STK32B: variants seen among roughly 807,000 people sequenced by gnomAD.
STK32B encodes serine/threonine-protein kinase 32B.
Under a neutral mutation model 52.6 loss-of-function variants are expected in STK32B, and 43 were observed. That is an observed-to-expected ratio of 0.82 (90% CI 0.64 to 1.05). The LOEUF is 1.05. Among genes scored for constraint, STK32B ranks in the 50% least tolerant of loss-of-function variants. STK32B has a pLI of 0.00. For synonymous variants in STK32B, 238 were observed against 204.3 expected, an observed-to-expected ratio of 1.17 and a Z score of -1.41; for missense variants, 621 against 534.6, an observed-to-expected ratio of 1.16 and a Z score of -1.59.
chr4:5,301,670 T>G (rs1449141962), intron 3 of STK32B, among the ~76,000 whole-genome samples: 1 of 150,768 alleles, frequency 6.6e-6, no homozygotes, highest in Non-Finnish European at 1.5e-5. Flanking sequence ...CTTTCTTTTT[T>G]TTTTTTTTGG....
intron 1 of STK32B, among the ~76,000 whole-genome samples, chr4:5,116,132 G>A (rs1714700965): frequency 6.6e-6 from 1 of 151,962 alleles, no homozygotes; most frequent in South Asian, 2.1e-4. Context: ...ATTAAACACT[G>A]CTGGTGCATC....
intron 7 of STK32B, among the ~76,000 whole-genome samples, chr4:5,449,573 C>G (rs542468297): frequency 2.6e-5 from 4 of 152,320 alleles, no homozygotes; most frequent in African/African-American, 9.6e-5. Flanking sequence ...TCTCCAACCC[C>G]TGGGGCTGGG....
At position 5,331,361 on chromosome 4, in the gene STK32B, G is replaced by A. The variant is rs1267062532; in HGVS notation, c.402G>A (p.Leu134=). The change falls in exon 4 of 12, where the codon CTG becomes CTA. Residue 134 remains leucine (L), a synonymous_variant. Coordinates refer to ENST00000282908, the MANE Select transcript of STK32B (RefSeq NM_018401.3). ...KLYICELALA[L]EYLQRYHIIH... ...ACATCTGTGAGCTGGCACTGGCCCT[G>A]GAGTATCTTCAGAGGTACCACATCA... 3 of 1,613,386 alleles carry A rather than the reference G, an allele frequency of 1.9e-6. No homozygotes were observed. Among genetic ancestry groups the A allele is most frequent in the African/African-American group, 2.7e-5 (2 of 74,882 alleles).
the STK32B span, among the ~76,000 whole-genome samples, chr4:5,023,420 T>A: frequency 1.3e-5 from 2 of 152,208 alleles, no homozygotes; most frequent in Non-Finnish European, 2.9e-5. Context: ...AGAGTCTGCT[T>A]GCATACGTCC....
chr4:5,177,389 C>T (rs774747264), intron 3 of STK32B, among the ~76,000 whole-genome samples: 1 of 152,160 alleles, frequency 6.6e-6, no homozygotes, highest in African/African-American at 2.4e-5. Flanking sequence ...AATTGCCTCC[C>T]ACTAGGTCCC....
At chr4:5,361,657 T>A (rs1460134831) in intron 4 of STK32B, among the ~76,000 whole-genome samples, 1 of 151,756 alleles carries the variant, frequency 6.6e-6, no homozygotes, top group Non-Finnish European at 1.5e-5. Context: ...CTATTTCAAT[T>A]TTTTTTGAAG....
intron 2 of STK32B, among the ~76,000 whole-genome samples, chr4:5,151,862 G>A (rs559436477): frequency 6.6e-6 from 1 of 152,246 alleles, no homozygotes; most frequent in East Asian, 1.9e-4. Flanking sequence ...GCATGCTTTT[G>A]GATCCCTTTT....
At chr4:5,402,970 G>C (rs148391797) in intron 5 of STK32B, among the ~76,000 whole-genome samples, 2,696 of 152,316 alleles carry the variant, frequency 0.018, 44 homozygotes, top group Non-Finnish European at 0.029. Flanking sequence ...TGGGTACAGT[G>C]GGATTCAGAA....
intron 3 of STK32B, among the ~76,000 whole-genome samples, chr4:5,295,440 T>A (rs917582250): frequency 6.6e-6 from 1 of 151,480 alleles, no homozygotes; most frequent in African/African-American, 2.4e-5. Flanking sequence ...AATTACTGCC[T>A]CAATTTCAGA....
intron 4 of STK32B, among the ~76,000 whole-genome samples, chr4:5,367,172 A>G (rs1210834097): frequency 1.3e-5 from 2 of 152,170 alleles, no homozygotes; most frequent in Non-Finnish European, 2.9e-5. Context: ...AATGTAACAC[A>G]CGGGCCTTTC....
the STK32B span, among the ~76,000 whole-genome samples, chr4:5,033,390 G>A: frequency 6.6e-6 from 1 of 152,224 alleles, no homozygotes. Context: ...CCCTTGGGAA[G>A]CATTTTGAGT....
intron 3 of STK32B, among the ~76,000 whole-genome samples, chr4:5,247,911 C>T (rs147236278): frequency 6.6e-6 from 1 of 152,174 alleles, no homozygotes; most frequent in Non-Finnish European, 1.5e-5. Flanking sequence ...TGCATAGACC[C>T]AGGGCCTTGG....
chr4:5,337,531 CT>C lies in STK32B; in HGVS notation c.434+6139del, dbSNP rs903062491. Among the ~76,000 whole-genome samples the C allele has an allele frequency of 4.0e-4, 61 of 152,254 alleles. 1 individual carries two copies. The highest frequency in any genetic ancestry group is 3.4e-3 in the Middle Eastern group (1 of 294). The stretch of plus-strand genomic sequence containing the variant: ...GGCGTAGGAAAACTCCAGGATGATG[CT>C]GATGGGATATCAGTTGTGCCTCACA... On this transcript the variant is annotated intron_variant, in intron 4 of 11. Transcript: ENST00000282908.
At position 5,330,472 on chromosome 4, in the gene STK32B, T is replaced by C. The variant is rs375894372; in HGVS notation, c.261-748T>C. Among the ~76,000 whole-genome samples the C allele has an allele frequency of 2.0e-5, 3 of 152,328 alleles. No homozygotes were observed. In the East Asian group the frequency reaches 5.8e-4, roughly 29 times the overall value. ...AAAATACCACCCTAAAACTTAATGG[T>C]GTGAAAACACCACCATTTAATCATC... On this transcript the variant is annotated intron_variant, in intron 3 of 11. Transcript: ENST00000282908.
Position 5,466,792 on chromosome 4 carries a change from A to G in STK32B, c.999A>G (p.Ala333=), listed in dbSNP as rs1717473544. 3 of 1,614,096 alleles carry G rather than the reference A, an allele frequency of 1.9e-6. No individual in the cohort carries two copies. Among genetic ancestry groups the G allele is most frequent in the Non-Finnish European group, 1.7e-6 (2 of 1,179,970 alleles). The stretch of plus-strand genomic sequence containing the variant: ...TTCACAAAAAGAAGAAGCGATTGGC[A>G]AAGAACAGATCCAGGGATGGCACAA... The part of the protein sequence containing the change: ...KPLHKKKKRL[A]KNRSRDGTKD... The change falls in exon 10 of 12, where the codon GCA becomes GCG. Residue 333 remains alanine, a synonymous_variant. Coordinates refer to ENST00000282908, the MANE Select transcript of STK32B (RefSeq NM_018401.3).
intron 7 of STK32B, among the ~76,000 whole-genome samples, chr4:5,448,779 C>T (rs761252853): frequency 6.6e-6 from 1 of 152,182 alleles, no homozygotes; most frequent in Non-Finnish European, 1.5e-5. Context: ...CCACCTGTTA[C>T]GTACTACTGT....
the STK32B span, among the ~76,000 whole-genome samples, chr4:5,021,545 C>T: frequency 6.6e-6 from 1 of 152,118 alleles, no homozygotes; most frequent in East Asian, 1.9e-4. Context: ...TGGATGTGCT[C>T]AAGGAATGGG....
chr4:5,094,918 T>G (rs1713298195), intron 1 of STK32B, among the ~76,000 whole-genome samples: 1 of 152,204 alleles, frequency 6.6e-6, no homozygotes, highest in South Asian at 2.1e-4. Flanking sequence ...AGTTCATTAA[T>G]TCACCCAACC....
chr4:5,262,401 C>T (rs915039684), intron 3 of STK32B, among the ~76,000 whole-genome samples: 17 of 151,586 alleles, frequency 1.1e-4, no homozygotes, highest in African/African-American at 3.9e-4. Flanking sequence ...CCGAGGCAGG[C>T]GGATCACAAG....
Sources: gnomAD v4.1 joint callset for allele counts (sites outside exome capture counted in the v4.1 genomes callset) on GRCh38, gnomAD v4.1.1 for gene constraint, MANE v1.5 for transcripts, NCBI Gene and HGNC (gene_info 2026-07-23, HGNC 2026-07-21) for gene names.